EFNA5: variants seen among roughly 807,000 people sequenced by gnomAD.
The protein encoded by EFNA5 is ephrin A5.
In EFNA5, 5 loss-of-function variants were observed where a neutral mutation model predicts 22.9. That is an observed-to-expected ratio of 0.22 (90% CI 0.11 to 0.46). EFNA5 has a LOEUF of 0.46. Ranked by LOEUF, EFNA5 falls within the 20% of genes least tolerant of loss-of-function variation. The pLI is 0.99. For missense variants in EFNA5, 237 were observed against 293.3 expected, an observed-to-expected ratio of 0.81 and a Z score of 1.40; for synonymous variants, 113 against 112.2, an observed-to-expected ratio of 1.01 and a Z score of -0.04.
chr5:107,431,694 C>T (rs1298492632), intron 1 of EFNA5, among the ~76,000 whole-genome samples: 1 of 152,168 alleles, frequency 6.6e-6, no homozygotes, highest in African/African-American at 2.4e-5. Flanking sequence ...GTCCTTAGGT[C>T]AGCACTATAT....
intron 1 of EFNA5, among the ~76,000 whole-genome samples, chr5:107,598,766 A>T (rs896891113): frequency 2.6e-5 from 4 of 152,188 alleles, no homozygotes; most frequent in Non-Finnish European, 1.5e-5. Flanking sequence ...ATCTCAATAC[A>T]ACATTTTTTC....
intron 1 of EFNA5, among the ~76,000 whole-genome samples, chr5:107,455,813 A>G (rs149405482): frequency 9.2e-4 from 140 of 152,202 alleles, no homozygotes; most frequent in African/African-American, 3.3e-3. Context: ...CTCAGTGTGA[A>G]TTATTCTTTT....
chr5:107,433,387 G>A (rs1049171918), intron 1 of EFNA5, among the ~76,000 whole-genome samples: 1 of 152,166 alleles, frequency 6.6e-6, no homozygotes, highest in Non-Finnish European at 1.5e-5. Context: ...AATGAATTAT[G>A]TACTTTATGG....
At chr5:107,639,542 G>A (rs1269556476) in intron 1 of EFNA5, among the ~76,000 whole-genome samples, 1 of 152,216 alleles carries the variant, frequency 6.6e-6, no homozygotes, top group East Asian at 1.9e-4. Context: ...TGCTTGAAAA[G>A]AGACTGACAC....
chr5:107,432,211 C>T (rs1465364768), intron 1 of EFNA5, among the ~76,000 whole-genome samples: 1 of 152,200 alleles, frequency 6.6e-6, no homozygotes, highest in Non-Finnish European at 1.5e-5. Context: ...CCTGACTCAT[C>T]CTTTCACAGA....
rs568014674 is a variant in EFNA5 at position 107,649,100 on chromosome 5, T to C, written c.125+21389A>G. ...TGCCCAAGGTCAAACAGTTAAATAG[T>C]GTCAAGGCCTTACCACATCTCGGAT... is the stretch of plus-strand genomic sequence containing the variant. On this transcript the variant is annotated intron_variant, in intron 1 of 4. Coordinates refer to ENST00000333274, the MANE Select transcript of EFNA5 (RefSeq NM_001962.3). 5.9e-5 allele frequency among the ~76,000 whole-genome samples: 9 copies of C among 152,206 alleles called. No individual in the cohort carries two copies. The South Asian group carries it at 1.7e-3, about 28-fold the overall frequency.
At chr5:107,557,606 A>C (rs1054671986) in intron 1 of EFNA5, among the ~76,000 whole-genome samples, 1 of 152,246 alleles carries the variant, frequency 6.6e-6, no homozygotes, top group Non-Finnish European at 1.5e-5. Flanking sequence ...ACATTCTTCT[A>C]CACGCTGCCG....
intron 1 of EFNA5, among the ~76,000 whole-genome samples, chr5:107,449,384 A>T (rs1749489313): frequency 1.3e-5 from 2 of 150,584 alleles, no homozygotes; most frequent in South Asian, 4.2e-4. Flanking sequence ...AAAAAAAAAT[A>T]AGGATTCTAC....
At chr5:107,482,646 A>C (rs1407980030) in intron 1 of EFNA5, among the ~76,000 whole-genome samples, 1 of 152,082 alleles carries the variant, frequency 6.6e-6, no homozygotes, top group East Asian at 1.9e-4. Flanking sequence ...CATTTGCGCA[A>C]TGTAGCCTGT....
intron 1 of EFNA5, among the ~76,000 whole-genome samples, chr5:107,435,733 C>T (rs1749094897): frequency 6.6e-6 from 1 of 152,194 alleles, no homozygotes; most frequent in African/African-American, 2.4e-5. Flanking sequence ...ATTTTTCCTA[C>T]TTATTTGGCA....
intron 1 of EFNA5, among the ~76,000 whole-genome samples, chr5:107,457,765 CA>C (rs1391918546): frequency 6.6e-6 from 1 of 152,100 alleles, no homozygotes; most frequent in Non-Finnish European, 1.5e-5. Context: ...ACTATCTGCT[CA>C]ATTTCTATAA....
intron 1 of EFNA5, among the ~76,000 whole-genome samples, chr5:107,617,233 C>CAT (rs1281823984): frequency 2.0e-5 from 3 of 149,298 alleles, no homozygotes; most frequent in Admixed American, 2.0e-4. Flanking sequence ...CACACACACA[C>CAT]ACACAGAGAG....
chr5:107,625,524 A>T (rs1281179343), intron 1 of EFNA5, among the ~76,000 whole-genome samples: 1 of 152,142 alleles, frequency 6.6e-6, no homozygotes, highest in Non-Finnish European at 1.5e-5. Context: ...TTCACATCTA[A>T]AATTATTACT....
At chr5:107,640,771 G>C (rs1290425118) in intron 1 of EFNA5, among the ~76,000 whole-genome samples, 1 of 152,160 alleles carries the variant, frequency 6.6e-6, no homozygotes, top group Non-Finnish European at 1.5e-5. Flanking sequence ...TAACCACAGA[G>C]GTAACCGCTA....
rs1561374100 is a variant in EFNA5, at chr5:107,410,021, T to TG, written c.418+17195_418+17196insC. 4.1e-3 allele frequency among the ~76,000 whole-genome samples: 511 copies of TG among 123,940 alleles called. 9 individuals are homozygous for TG. Among genetic ancestry groups the TG allele is most frequent in the African/African-American group, 0.014 (457 of 33,068 alleles). The allele number at this position is 123,940 out of a possible 152,430, so 81.3% of individuals were successfully genotyped here. On this transcript the variant is annotated intron_variant, in intron 2 of 4. Transcript: ENST00000333274. ...GCCAGAGGAATTTAAGTGACATGAT[T>TG]CTTTTTTTTTTTTTTTTTTTTTTTT...
intron 1 of EFNA5, among the ~76,000 whole-genome samples, chr5:107,447,009 T>C: frequency 6.6e-6 from 1 of 152,198 alleles, no homozygotes; most frequent in East Asian, 1.9e-4. Flanking sequence ...TTACTTTGCT[T>C]GGGAGGAAAA....
At chr5:107,602,485 G>C (rs556013478) in intron 1 of EFNA5, among the ~76,000 whole-genome samples, 5 of 152,138 alleles carry the variant, frequency 3.3e-5, no homozygotes, top group African/African-American at 1.2e-4. Context: ...TCATTTTTTG[G>C]CCAACAATTA....
intron 1 of EFNA5, among the ~76,000 whole-genome samples, chr5:107,492,645 C>T (rs548145027): frequency 2.6e-5 from 4 of 152,220 alleles, no homozygotes; most frequent in East Asian, 1.9e-4. Context: ...AGCCACCAGA[C>T]GCCACCAGAA....
intron 1 of EFNA5, among the ~76,000 whole-genome samples, chr5:107,473,911 G>C (rs565561873): frequency 6.6e-6 from 1 of 151,804 alleles, no homozygotes; most frequent in Admixed American, 6.6e-5. Context: ...CGCCTTTCTC[G>C]GCCTCCCAAA....
Sources: allele counts gnomAD v4.1 joint callset (sites outside exome capture counted in the v4.1 genomes callset), GRCh38; gene constraint gnomAD v4.1.1; transcripts MANE v1.5; gene names NCBI Gene and HGNC (gene_info 2026-07-23, HGNC 2026-07-21).